Variants in JAZF1 observed in about 807,000 individuals in gnomAD.
The protein encoded by JAZF1 is JAZF zinc finger 1.
A neutral mutation model predicts 26.4 loss-of-function variants in JAZF1; 8 were observed. The ratio of observed to expected loss-of-function variants is 0.30; its 90% CI spans 0.18 to 0.55. The LOEUF (loss-of-function observed/expected upper bound fraction) is 0.55. Ranked by LOEUF, JAZF1 falls within the 20% of genes least tolerant of loss-of-function variation. The pLI, the probability that JAZF1 is intolerant of heterozygous loss-of-function variation, is 0.94. For synonymous variants in JAZF1, 126 were observed against 122.3 expected (o/e 1.03, Z -0.20); for missense variants, 199 against 322.0 (o/e 0.62, Z 2.92).
intron 2 of JAZF1, among the ~76,000 whole-genome samples, chr7:27,953,096 A>T (rs1280266519): frequency 3.3e-5 from 5 of 152,224 alleles, no homozygotes; most frequent in Non-Finnish European, 7.3e-5. Flanking sequence ...CAAATATTTG[A>T]TGATGCCTCA....
At chr7:28,078,990 ATTT>A (rs113270032) in intron 1 of JAZF1, among the ~76,000 whole-genome samples, 8 of 140,866 alleles carry the variant, frequency 5.7e-5, no homozygotes, top group Admixed American at 7.1e-5. Context: ...AATGCCCATA[ATTT>A]TTTTTTTTTT....
chr7:27,864,764 A>G (rs1783446588), intron 3 of JAZF1, among the ~76,000 whole-genome samples: 1 of 152,242 alleles, frequency 6.6e-6, no homozygotes, highest in African/African-American at 2.4e-5. Context: ...TCAGGACAGC[A>G]GGGAGCTCAG....
At chr7:27,931,710 C>T (rs537354721) in intron 2 of JAZF1, among the ~76,000 whole-genome samples, 16 of 152,108 alleles carry the variant, frequency 1.1e-4, no homozygotes, top group Admixed American at 3.3e-4. Flanking sequence ...CCCAGCTACT[C>T]GGGAGGCTGA....
At chr7:27,934,050 C>T (rs920957996) in intron 2 of JAZF1, among the ~76,000 whole-genome samples, 2 of 152,152 alleles carry the variant, frequency 1.3e-5, no homozygotes, top group Admixed American at 1.3e-4. Flanking sequence ...TCATTAGCCG[C>T]ATGGAAATTG....
rs190897497 is a variant in JAZF1 at position 27,909,045 on chromosome 7, T to C, written c.189-13629A>G. Among the ~76,000 whole-genome samples, 1,144 of 140,448 alleles carry C rather than the reference T, an allele frequency of 8.1e-3. 9 individuals carry two copies. Among genetic ancestry groups the C allele is most frequent in the Non-Finnish European group, 0.012 (760 of 63,794 alleles). 92.1% of individuals were successfully genotyped at this position (140,448 alleles called of 152,430 possible). A position where few individuals can be genotyped will look rare whatever the true frequency, so the allele number is the denominator to read the frequency against. On this transcript the variant is annotated intron_variant, in intron 2 of 4. Coordinates refer to ENST00000283928, the MANE Select transcript of JAZF1 (RefSeq NM_175061.4). ...TTCATTCAGAGGCAGAATCTCGCTG[T>C]GCTGTCCAGAATGGAGTACAGTGGC...
At position 27,934,586 on chromosome 7, in the gene JAZF1, G is replaced by A. The variant is rs544883092; in HGVS notation, c.189-39170C>T. On this transcript the variant is annotated intron_variant, in intron 2 of 4. Transcript: ENST00000283928. The stretch of plus-strand genomic sequence containing the variant: ...GTACACCTTGGCGGTAGCCTCTGGA[G>A]CACTTATATTTGGCTCCATATCCCA... Among the ~76,000 whole-genome samples the A allele has an allele frequency of 5.3e-5, 8 of 152,220 alleles. No homozygotes were observed. In the East Asian group the frequency reaches 9.6e-4, roughly 18 times the overall value.
intron 1 of JAZF1, among the ~76,000 whole-genome samples, chr7:28,166,135 G>A (rs887341526): frequency 2.0e-5 from 3 of 150,876 alleles, no homozygotes; most frequent in Admixed American, 1.3e-4. Flanking sequence ...TATAAAAAAA[G>A]TTGGAAACCA....
At chr7:28,045,557 A>C (rs944261185) in intron 1 of JAZF1, among the ~76,000 whole-genome samples, 3 of 152,178 alleles carry the variant, frequency 2.0e-5, no homozygotes, top group Non-Finnish European at 2.9e-5. Flanking sequence ...TGTGTGGATT[A>C]GAAGAACTTC....
intron 1 of JAZF1, among the ~76,000 whole-genome samples, chr7:28,099,272 T>C (rs1784430132): frequency 6.6e-6 from 1 of 152,242 alleles, no homozygotes; most frequent in South Asian, 2.1e-4. Flanking sequence ...TTGATACTTA[T>C]TTCTTAAATA....
chr7:27,831,711 T>TA lies in JAZF1; in HGVS notation c.*1088dup. Reference sequence around the variant, plus strand: ...TGAGAAAAGTACCTTTTAAAAAAAGTAAAAAATGAGCATGAAGAAGAGGCA... The same window carrying TA: ...TGAGAAAAGTACCTTTTAAAAAAAGTAAAAAAATGAGCATGAAGAAGAGGCA... On this transcript the variant is annotated 3_prime_UTR_variant, in exon 5 of 5. Transcript: ENST00000283928. 8.9e-6 allele frequency: 2 copies of TA among 225,414 alleles called. No individual in the cohort carries two copies. The highest frequency in any genetic ancestry group is 1.8e-5 in the Non-Finnish European group (2 of 112,972). 14.0% of individuals were successfully genotyped at this position (225,414 alleles called of 1,614,324 possible).
chr7:27,927,674 A>C (rs972953019), intron 2 of JAZF1, among the ~76,000 whole-genome samples: 4 of 152,180 alleles, frequency 2.6e-5, no homozygotes, highest in Admixed American at 2.6e-4. Context: ...TTTGAATAAC[A>C]TCTCACAAGA....
At chr7:28,127,962 G>A in intron 1 of JAZF1, among the ~76,000 whole-genome samples, 1 of 152,032 alleles carries the variant, frequency 6.6e-6, no homozygotes, top group Non-Finnish European at 1.5e-5. Flanking sequence ...ACAACACATG[G>A]GGATTATGGG....
intron 3 of JAZF1, among the ~76,000 whole-genome samples, chr7:27,878,437 A>G (rs1783718184): frequency 6.6e-6 from 1 of 151,954 alleles, no homozygotes; most frequent in African/African-American, 2.4e-5. Flanking sequence ...GAAACACTCT[A>G]TTTTCTGTTT....
chr7:28,164,441 C>T (rs1050968510), intron 1 of JAZF1, among the ~76,000 whole-genome samples: 14 of 152,204 alleles, frequency 9.2e-5, no homozygotes, highest in Non-Finnish European at 1.6e-4. Context: ...TCAAAGCACA[C>T]TACTTTCAAT....
At chr7:28,146,120 C>T (rs1248898388) in intron 1 of JAZF1, among the ~76,000 whole-genome samples, 1 of 152,118 alleles carries the variant, frequency 6.6e-6, no homozygotes, top group African/African-American at 2.4e-5. Context: ...GGCCACTTGG[C>T]CAGGAACAAA....
chr7:27,906,908 A>C (rs1023794628), intron 2 of JAZF1, among the ~76,000 whole-genome samples: 5 of 152,248 alleles, frequency 3.3e-5, no homozygotes, highest in Admixed American at 2.0e-4. Context: ...TTGTGGTATA[A>C]AACTACAAAT....
chr7:28,034,908 C>T (rs113091731), intron 1 of JAZF1, among the ~76,000 whole-genome samples: 1,549 of 152,216 alleles, frequency 0.01, 22 homozygotes, highest in African/African-American at 0.036. Context: ...TGATTTTTTA[C>T]TATCCTGTAT....
intron 1 of JAZF1, among the ~76,000 whole-genome samples, chr7:28,134,459 T>C (rs1347464670): frequency 7.2e-6 from 1 of 139,356 alleles, no homozygotes; most frequent in Non-Finnish European, 1.5e-5. Flanking sequence ...CACACCAGCA[T>C]GCCTAGCTTT....
At chr7:28,142,855 A>T (rs1488219310) in intron 1 of JAZF1, among the ~76,000 whole-genome samples, 2 of 152,218 alleles carry the variant, frequency 1.3e-5, no homozygotes, top group African/African-American at 4.8e-5. Context: ...ATTCATGCAC[A>T]GTGACAACGT....
Sources: gnomAD v4.1 joint callset for allele counts (sites outside exome capture counted in the v4.1 genomes callset) on GRCh38, gnomAD v4.1.1 for gene constraint, MANE v1.5 for transcripts, NCBI Gene and HGNC (gene_info 2026-07-23, HGNC 2026-07-21) for gene names.